The following CAMK4 variants were observed in gnomAD, a reference collection of about 807,000 sequenced individuals.
The protein encoded by CAMK4 is calcium/calmodulin-dependent protein kinase type IV.
A neutral mutation model predicts 44.9 loss-of-function variants in CAMK4; 22 were observed. The ratio of observed to expected loss-of-function variants is 0.49; its 90% CI spans 0.35 to 0.70. The LOEUF is 0.70. Among genes scored for constraint, CAMK4 ranks in the 30% least tolerant of loss-of-function variants. The pLI, the probability that CAMK4 is intolerant of heterozygous loss-of-function variation, is 0.01. For synonymous variants in CAMK4, 218 were observed against 215.4 expected, an observed-to-expected ratio of 1.01 and a Z score of -0.11; for missense variants, 498 against 586.8, an observed-to-expected ratio of 0.85 and a Z score of 1.56.
rs201466250 is a variant in CAMK4 at position 111,330,099 on chromosome 5, C to CA, written c.162-13918dup. Among the ~76,000 whole-genome samples the CA allele has an allele frequency of 4.7e-3, 644 of 137,158 alleles. 6 individuals carry two copies. Among genetic ancestry groups the CA allele is most frequent in the African/African-American group, 0.016 (594 of 38,222 alleles). 90.0% of individuals were successfully genotyped at this position (137,158 alleles called of 152,430 possible). On this transcript the variant is annotated intron_variant, in intron 1 of 10. Coordinates refer to ENST00000282356, the MANE Select transcript of CAMK4 (RefSeq NM_001744.6). ...AGAATTCTACTCCCCACCACCCCTA[C>CA]AAAAAAACAAACAAATAAAAAACTC... is the stretch of plus-strand genomic sequence containing the variant.
At chr5:111,336,574 T>TGTGTCCTGAAGA (rs1749415186) in intron 1 of CAMK4, among the ~76,000 whole-genome samples, 1 of 151,032 alleles carries the variant, frequency 6.6e-6, no homozygotes. Context: ...CTAGTATACT[T>TGTGTCCTGAAGA]GTGTCCTGAA....
At chr5:111,298,214 T>A (rs1747570238) in intron 1 of CAMK4, among the ~76,000 whole-genome samples, 2 of 152,218 alleles carry the variant, frequency 1.3e-5, no homozygotes, top group South Asian at 4.1e-4. Flanking sequence ...TTCTAAGTAA[T>A]ATGAATTATA....
intron 2 of CAMK4, among the ~76,000 whole-genome samples, chr5:111,364,469 A>G (rs1750714679): frequency 6.6e-6 from 1 of 152,250 alleles, no homozygotes; most frequent in East Asian, 1.9e-4. Context: ...AAATAAAAAG[A>G]CTGTTTCCTG....
chr5:111,303,585 T>C (rs1339474748), intron 1 of CAMK4, among the ~76,000 whole-genome samples: 1 of 118,838 alleles, frequency 8.4e-6, no homozygotes, highest in East Asian at 3.0e-4. Flanking sequence ...CCAAGAAATA[T>C]GGGACTATGT....
chr5:111,309,583 A>G (rs1218626543), intron 1 of CAMK4, among the ~76,000 whole-genome samples: 4 of 152,132 alleles, frequency 2.6e-5, no homozygotes, highest in African/African-American at 9.7e-5. Flanking sequence ...AATCCATTTT[A>G]CTGCCTGCTT....
intron 2 of CAMK4, among the ~76,000 whole-genome samples, chr5:111,354,854 C>G (rs1175188764): frequency 6.6e-6 from 1 of 152,080 alleles, no homozygotes; most frequent in Non-Finnish European, 1.5e-5. Context: ...ACCAGGCAGA[C>G]TCAGGATGCA....
chr5:111,454,647 CAA>C (rs66917170), intron 7 of CAMK4, among the ~76,000 whole-genome samples: 3 of 114,564 alleles, frequency 2.6e-5, no homozygotes. Context: ...GTCACACAGA[CAA>C]AAAAAAAAAA....
At chr5:111,231,630 C>T (rs931652899) in intron 1 of CAMK4, among the ~76,000 whole-genome samples, 3 of 152,088 alleles carry the variant, frequency 2.0e-5, no homozygotes, top group African/African-American at 7.2e-5. Flanking sequence ...AATGTTTCTC[C>T]CATTTCTATG....
At chr5:111,377,228 A>C (rs997980147) in intron 4 of CAMK4, among the ~76,000 whole-genome samples, 4 of 152,084 alleles carry the variant, frequency 2.6e-5, no homozygotes, top group Non-Finnish European at 4.4e-5. Flanking sequence ...TCTAAAATCA[A>C]ATTAAATCTA....
At position 111,478,459 on chromosome 5, in the gene CAMK4, C is replaced by A; in HGVS notation, c.780C>A (p.Tyr260Ter). 1 of 1,557,436 alleles carries A rather than the reference C, an allele frequency of 6.4e-7. No homozygotes were observed. Among genetic ancestry groups the A allele is most frequent in the Non-Finnish European group, 8.8e-7 (1 of 1,131,672 alleles). ...MFRRILNCEY[Y>*]FISPWWDEVS... ...GGAGAATTCTGAATTGTGAATATTA[C>A]TTTATCTCCCCCTGGTGGGATGAAG... The change falls in exon 9 of 11, where the codon TAC becomes TAA. Residue 260 changes from tyrosine to a stop codon, truncating the protein, a stop_gained. Coordinates refer to ENST00000282356, the MANE Select transcript of CAMK4 (RefSeq NM_001744.6). LOFTEE classifies it high-confidence loss of function.
intron 2 of CAMK4, among the ~76,000 whole-genome samples, chr5:111,369,212 T>C (rs9763502): frequency 0.11 from 16,761 of 151,718 alleles, 1,553 homozygotes; most frequent in African/African-American, 0.24. Context: ...ATTACAGGCA[T>C]GTGTTGCCAT....
chr5:111,398,634 T>G (rs1352778054), intron 5 of CAMK4, among the ~76,000 whole-genome samples: 1 of 152,204 alleles, frequency 6.6e-6, no homozygotes. Flanking sequence ...GAATTAACTT[T>G]TCTATTACCA....
At chr5:111,282,104 A>C (rs868697158) in intron 1 of CAMK4, among the ~76,000 whole-genome samples, 3 of 152,278 alleles carry the variant, frequency 2.0e-5, no homozygotes, top group Middle Eastern at 3.4e-3. Flanking sequence ...TGACTTCCTA[A>C]TTTATTGCAT....
chr5:111,422,004 C>T (rs1326984461), intron 5 of CAMK4, among the ~76,000 whole-genome samples: 1 of 152,188 alleles, frequency 6.6e-6, no homozygotes, highest in Non-Finnish European at 1.5e-5. Context: ...TGTGAGGCCT[C>T]CTCAGCCATG....
chr5:111,301,906 T>C (rs1329566054), intron 1 of CAMK4, among the ~76,000 whole-genome samples: 2 of 152,152 alleles, frequency 1.3e-5, no homozygotes, highest in Admixed American at 1.3e-4. Flanking sequence ...TTAAATTTAG[T>C]TGGTTTTCAT....
intron 7 of CAMK4, among the ~76,000 whole-genome samples, chr5:111,470,369 G>A (rs947605951): frequency 1.3e-5 from 2 of 152,234 alleles, no homozygotes; most frequent in Admixed American, 1.3e-4. Context: ...TTTGGCTACA[G>A]ATACAGTTCC....
At chr5:111,243,043 A>G (rs1749076083) in intron 1 of CAMK4, among the ~76,000 whole-genome samples, 1 of 152,080 alleles carries the variant, frequency 6.6e-6, no homozygotes, top group Admixed American at 6.5e-5. Flanking sequence ...TTTAGTTCCC[A>G]TGTACCTCCA....
intron 4 of CAMK4, among the ~76,000 whole-genome samples, chr5:111,386,212 A>C (rs1751596454): frequency 6.6e-6 from 1 of 152,228 alleles, no homozygotes; most frequent in Non-Finnish European, 1.5e-5. Context: ...GAAGTGGTAG[A>C]TTTACACAGA....
intron 5 of CAMK4, among the ~76,000 whole-genome samples, chr5:111,429,572 A>C (rs1753355921): frequency 6.6e-6 from 1 of 151,964 alleles, no homozygotes; most frequent in Non-Finnish European, 1.5e-5. Context: ...TAGGAGTTCC[A>C]GATCAGCATG....
Sources: allele counts gnomAD v4.1 joint callset (sites outside exome capture counted in the v4.1 genomes callset), GRCh38; gene constraint gnomAD v4.1.1; transcripts MANE v1.5; gene names NCBI Gene and HGNC (gene_info 2026-07-23, HGNC 2026-07-21).